Variants in VXN observed in about 807,000 individuals in gnomAD.
VXN encodes the protein vexin, also known as uncharacterized protein C8orf46.
A neutral mutation model predicts 23.1 loss-of-function variants in VXN; 7 were observed. That is an observed-to-expected ratio of 0.30 (90% confidence interval 0.17 to 0.57). The LOEUF (loss-of-function observed/expected upper bound fraction) is 0.57. VXN is among the 20% of genes least tolerant of loss of function. The probability of loss-of-function intolerance (pLI) is 0.91; values close to 1 mark genes in which losing one functional copy is unlikely to be tolerated. For missense variants in VXN, 238 were observed against 272.6 expected (o/e 0.87, Z 0.89); for synonymous variants, 120 against 105.8 (o/e 1.13, Z -0.83).
At chr8:66,504,732 AC>A in intron 2 of VXN, among the ~76,000 whole-genome samples, 1 of 152,226 alleles carries the variant, frequency 6.6e-6, no homozygotes, top group East Asian at 1.9e-4. Context: ...CGTGCACAGA[AC>A]CACACACAGT....
intron 2 of VXN, among the ~76,000 whole-genome samples, chr8:66,498,061 A>G (rs1301798525): frequency 6.6e-6 from 1 of 151,868 alleles, no homozygotes; most frequent in Non-Finnish European, 1.5e-5. Context: ...CCAGCTACTC[A>G]GGAGGCTGAG....
At chr8:66,509,908 C>G (rs1191268532) in intron 3 of VXN, among the ~76,000 whole-genome samples, 188 bp from the exon 4 acceptor site, 1 of 152,108 alleles carries the variant, frequency 6.6e-6, no homozygotes, top group African/African-American at 2.4e-5. Flanking sequence ...GGCCTTAGTT[C>G]CAGCTCCCCT....
intron 4 of VXN, among the ~76,000 whole-genome samples, chr8:66,513,292 G>A (rs1252972536): frequency 6.6e-6 from 1 of 152,190 alleles, no homozygotes; most frequent in Non-Finnish European, 1.5e-5. Context: ...AGCAGCACCA[G>A]CACACCTGGG....
In VXN at chr8:66,518,371, A is replaced by G. The variant is rs1807919898; in HGVS notation, c.*2295A>G. On this transcript the variant is annotated 3_prime_UTR_variant, in exon 6 of 6. Transcript: ENST00000305454. ...TTTATAACTGGTATCTTTCATTTGT[A>G]TGTGGCAGCTAGAGATTTATATAGG... 6.6e-6 allele frequency: 1 copy of G among 152,196 alleles called. No homozygotes were observed. The highest frequency in any genetic ancestry group is 1.5e-5 in the Non-Finnish European group (1 of 68,030). The allele number at this position is 152,196 out of a possible 1,614,324, so 9.4% of individuals were successfully genotyped here.
intron 4 of VXN, among the ~76,000 whole-genome samples, chr8:66,511,353 C>A (rs945170146): frequency 6.6e-6 from 1 of 152,222 alleles, no homozygotes; most frequent in African/African-American, 2.4e-5. Context: ...AGTTATTGTG[C>A]CAGGCCCTCA....
At chr8:66,496,304 C>T in intron 1 of VXN, 133 bp from the exon 2 acceptor site, 1 of 760,654 alleles carries the variant, frequency 1.3e-6, no homozygotes, top group African/African-American at 1.8e-5. Context: ...CGCAACGACC[C>T]TGTCTCTTTT....
At chr8:66,508,507 CGTA>C (rs1807785180) in intron 3 of VXN, among the ~76,000 whole-genome samples, 1 of 152,198 alleles carries the variant, frequency 6.6e-6, no homozygotes, top group Non-Finnish European at 1.5e-5. Flanking sequence ...CGTTCTATCA[CGTA>C]GAACAGCCCT....
rs1807916179 is a variant in VXN, at chr8:66,517,946, C to T, written c.*1870C>T. 1 of 152,230 alleles carries T rather than the reference C, an allele frequency of 6.6e-6. No individual in the cohort carries two copies. Among genetic ancestry groups the T allele is most frequent in the African/African-American group, 2.4e-5 (1 of 41,448 alleles). 9.4% of individuals were successfully genotyped at this position (152,230 alleles called of 1,614,324 possible). A position where few individuals can be genotyped will look rare whatever the true frequency, so the allele number is the denominator to read the frequency against. ...GAGAAGCGAGAGGGTGGCTGAGAGG[C>T]CTGGGCCTCTGGGATTCCACCTTGC... On this transcript the variant is annotated 3_prime_UTR_variant, in exon 6 of 6. Coordinates refer to ENST00000305454, the MANE Select transcript of VXN (RefSeq NM_152765.4).
intron 4 of VXN, 36 bp from the exon 5 acceptor site, chr8:66,513,504 T>G (rs1807848764): frequency 6.4e-7 from 1 of 1,562,084 alleles, no homozygotes; most frequent in African/African-American, 1.4e-5. Context: ...GGAAGGCAGA[T>G]GCATCCTCAC....
chr8:66,518,321 C>T lies in VXN; in HGVS notation c.*2245C>T, dbSNP rs989669543. The T allele has an allele frequency of 2.0e-5, 3 of 152,250 alleles. No individual in the cohort carries two copies. Among genetic ancestry groups the T allele is most frequent in the Admixed American group, 2.0e-4 (3 of 15,282 alleles). The allele number at this position is 152,250 out of a possible 1,614,324, so 9.4% of individuals were successfully genotyped here. On this transcript the variant is annotated 3_prime_UTR_variant, in exon 6 of 6. Coordinates refer to ENST00000305454, the MANE Select transcript of VXN (RefSeq NM_152765.4). Reference sequence around the variant, plus strand: ...ACATGCCACCACACCTAGCTCCTTACAACCATTTATTTTAACTTATTTCAT... The same window carrying T: ...ACATGCCACCACACCTAGCTCCTTATAACCATTTATTTTAACTTATTTCAT...
Position 66,505,357 on chromosome 8 carries a change from GT to G in VXN, c.127-15del. ...CCGAGCAGAGGAGTGGGCTAACCGC[GT>G]TTCCCCCGCCCGGCAGGTGGTGATC... On this transcript the variant is annotated splice_polypyrimidine_tract_variant and intron_variant, in intron 2 of 5. Transcript: ENST00000305454. The G allele has an allele frequency of 6.4e-7, 1 of 1,572,702 alleles. No individual in the cohort carries two copies. The highest frequency in any genetic ancestry group is 1.3e-5 in the African/African-American group (1 of 74,562).
chr8:66,513,733 C>T, intron 5 of VXN, 96 bp downstream of exon 5: 6 of 937,616 alleles, frequency 6.4e-6, no homozygotes, highest in Non-Finnish European at 9.9e-6. Flanking sequence ...TTGACAGACC[C>T]TCGAGAGGCC....
At chr8:66,513,690 C>T (rs1807852336) in intron 5 of VXN, 53 bp downstream of exon 5, 10 of 1,488,978 alleles carry the variant, frequency 6.7e-6, no homozygotes, top group Non-Finnish European at 9.3e-6. Context: ...TGTCCTGATC[C>T]TTCCTTCCCC....
rs556605332 is a variant in VXN, at chr8:66,518,521, A to G, written c.*2445A>G. The stretch of plus-strand genomic sequence containing the variant: ...TTGTTTGTGACATTCATGCACCACC[A>G]TAAGAGCATGCCTGAGGCTCCCTTG... On this transcript the variant is annotated 3_prime_UTR_variant, in exon 6 of 6. Coordinates refer to ENST00000305454, the MANE Select transcript of VXN (RefSeq NM_152765.4). 6 of 152,364 alleles carry G rather than the reference A, an allele frequency of 3.9e-5. No individual in the cohort carries two copies. The South Asian group carries it at 1.2e-3, about 32-fold the overall frequency. 9.4% of individuals were successfully genotyped at this position (152,364 alleles called of 1,614,324 possible). A position where few individuals can be genotyped will look rare whatever the true frequency, so the allele number is the denominator to read the frequency against.
chr8:66,496,218 G>A (rs1807624320), intron 1 of VXN, among the ~76,000 whole-genome samples: 1 of 152,098 alleles, frequency 6.6e-6, no homozygotes, highest in African/African-American at 2.4e-5. Flanking sequence ...GTGGACATTT[G>A]GGTTGTTCCC....
intron 2 of VXN, among the ~76,000 whole-genome samples, chr8:66,502,500 C>A (rs553431101): frequency 2.0e-5 from 3 of 152,276 alleles, no homozygotes; most frequent in African/African-American, 7.2e-5. Context: ...GTAATCCTAG[C>A]ACTTTGGGAG....
At chr8:66,505,741 C>T (rs1247329387) in intron 3 of VXN, among the ~76,000 whole-genome samples, 6 of 152,252 alleles carry the variant, frequency 3.9e-5, no homozygotes, top group African/African-American at 1.4e-4. Flanking sequence ...GCATCTTCTA[C>T]CTATAAAACA....
At position 66,517,002 on chromosome 8, in the gene VXN, G is replaced by C. The variant is rs532752510; in HGVS notation, c.*926G>C. The stretch of plus-strand genomic sequence containing the variant: ...TTAAATGGTGAGAGTGTGTCTCTGG[G>C]GGCAACCATTGAAAAGAAGACTCTG... On this transcript the variant is annotated 3_prime_UTR_variant, in exon 6 of 6. Transcript: ENST00000305454. The C allele has an allele frequency of 1.3e-5, 2 of 152,128 alleles. No individual in the cohort carries two copies. Among genetic ancestry groups the C allele is most frequent in the Non-Finnish European group, 2.9e-5 (2 of 68,032 alleles). 9.4% of individuals were successfully genotyped at this position (152,128 alleles called of 1,614,324 possible). A position where few individuals can be genotyped will look rare whatever the true frequency, so the allele number is the denominator to read the frequency against.
intron 1 of VXN, among the ~76,000 whole-genome samples, chr8:66,496,180 C>T (rs1238130596): frequency 1.3e-5 from 2 of 152,166 alleles, no homozygotes; most frequent in Non-Finnish European, 2.9e-5. Flanking sequence ...ATACAGACAC[C>T]ATATTTTGTT....
Sources: allele counts gnomAD v4.1 joint callset (sites outside exome capture counted in the v4.1 genomes callset), GRCh38; gene constraint gnomAD v4.1.1; transcripts MANE v1.5; gene names NCBI Gene and HGNC (gene_info 2026-07-23, HGNC 2026-07-21).